The following SPAG16 variants were observed in gnomAD, a reference collection of about 807,000 sequenced individuals.
SPAG16 encodes the protein sperm-associated antigen 16 protein.
SPAG16 carries 86 observed loss-of-function variants against 80.4 expected under a neutral mutation model. That is an observed-to-expected ratio of 1.07 (90% CI 0.90 to 1.28). The LOEUF (loss-of-function observed/expected upper bound fraction) is 1.28. Among genes scored for constraint, SPAG16 ranks in the 50% most tolerant of loss-of-function variants. The pLI is 0.00. For missense variants in SPAG16, 870 were observed against 765.3 expected (o/e 1.14, Z -1.61); for synonymous variants, 294 against 265.9 (o/e 1.11, Z -1.03).
intron 15 of SPAG16, among the ~76,000 whole-genome samples, chr2:214,173,936 A>C (rs1305015407): frequency 2.0e-5 from 3 of 151,938 alleles, no homozygotes; most frequent in Non-Finnish European, 4.4e-5. Flanking sequence ...CAAATCAATA[A>C]ATGTAATCCA....
intron 5 of SPAG16, among the ~76,000 whole-genome samples, chr2:213,322,379 G>C (rs1045625678): frequency 7.8e-6 from 1 of 128,462 alleles, no homozygotes; most frequent in African/African-American, 2.8e-5. Flanking sequence ...TTGGGTGATT[G>C]ATTCCTGAAA....
intron 3 of SPAG16, 67 bp downstream of exon 3, chr2:213,297,424 G>A: frequency 2.1e-6 from 2 of 949,234 alleles, no homozygotes; most frequent in Non-Finnish European, 3.2e-6. Context: ...AGTTTGGAAA[G>A]TCTTTTAAAT....
At position 213,582,123 on chromosome 2, in the gene SPAG16, C is replaced by T. The variant is rs112339620; in HGVS notation, c.1070+92033C>T. On this transcript the variant is annotated intron_variant, in intron 10 of 15. Transcript: ENST00000331683. ...TTTAATTTACAATATAAACACTTAC[C>T]TTTTACTCTTGGAGAGTAAAAGGAG... Among the ~76,000 whole-genome samples the T allele has an allele frequency of 1.6e-3, 240 of 152,072 alleles. 3 individuals carry two copies. Among genetic ancestry groups the T allele is most frequent in the African/African-American group, 4.7e-3 (195 of 41,496 alleles).
chr2:214,391,103 A>T (rs375177145), intron 15 of SPAG16, among the ~76,000 whole-genome samples: 1 of 152,192 alleles, frequency 6.6e-6, no homozygotes, highest in Non-Finnish European at 1.5e-5. Context: ...GGCTGTTTGC[A>T]TATGGATTTG....
intron 8 of SPAG16, among the ~76,000 whole-genome samples, chr2:213,367,437 C>G (rs1226807368): frequency 1.3e-5 from 2 of 152,284 alleles, no homozygotes; most frequent in African/African-American, 4.8e-5. Context: ...TCTCCACATC[C>G]TCTCCAGCAC....
At chr2:213,977,288 C>T (rs1206484066) in intron 12 of SPAG16, among the ~76,000 whole-genome samples, 2 of 152,096 alleles carry the variant, frequency 1.3e-5, no homozygotes, top group South Asian at 2.1e-4. Flanking sequence ...TTAGCATCAG[C>T]TTGAGGTTCA....
intron 14 of SPAG16, among the ~76,000 whole-genome samples, chr2:214,135,288 G>A (rs1308660519): frequency 2.6e-5 from 4 of 152,088 alleles, no homozygotes; most frequent in Non-Finnish European, 4.4e-5. Flanking sequence ...GTAAATATTA[G>A]TTGCTTTATA....
At chr2:213,348,178 C>T (rs966991394) in intron 6 of SPAG16, among the ~76,000 whole-genome samples, 1 of 152,122 alleles carries the variant, frequency 6.6e-6, no homozygotes, top group Admixed American at 6.5e-5. Flanking sequence ...GGTTTAAAGT[C>T]TGTTTTATCA....
chr2:214,361,549 C>T (rs1450586283), intron 15 of SPAG16, among the ~76,000 whole-genome samples: 1 of 151,946 alleles, frequency 6.6e-6, no homozygotes, highest in East Asian at 1.9e-4. Flanking sequence ...AAGAGAAACT[C>T]AAACACTTCA....
intron 7 of SPAG16, among the ~76,000 whole-genome samples, chr2:213,352,793 A>G (rs1380408816): frequency 6.6e-6 from 1 of 152,204 alleles, no homozygotes; most frequent in Non-Finnish European, 1.5e-5. Flanking sequence ...GCAAAGAAAT[A>G]TATCTTTATT....
intron 10 of SPAG16, among the ~76,000 whole-genome samples, chr2:213,735,441 A>G (rs1301220051): frequency 6.6e-6 from 1 of 152,164 alleles, no homozygotes; most frequent in Non-Finnish European, 1.5e-5. Context: ...TAAATTCCAA[A>G]CAGAATGTTA....
chr2:214,031,836 A>G (rs1371175793), intron 13 of SPAG16, among the ~76,000 whole-genome samples: 1 of 152,078 alleles, frequency 6.6e-6, no homozygotes, highest in African/African-American at 2.4e-5. Context: ...CAAGGGGGGA[A>G]GTGCTACACA....
chr2:213,790,428 GACCGTTATA>G lies in SPAG16; in HGVS notation c.1071-72053_1071-72045del, dbSNP rs2070620886. On this transcript the variant is annotated intron_variant, in intron 10 of 15. Transcript: ENST00000331683. ...TAGCTTCAATGTTCTCCATAACTCA[GACCGTTATA>G]ACCAAAAGCATATTTTTGGTGTAAT... 5.9e-5 allele frequency among the ~76,000 whole-genome samples: 9 copies of G among 151,908 alleles called. No homozygotes were observed. The South Asian group carries it at 1.7e-3, about 28-fold the overall frequency.
intron 10 of SPAG16, among the ~76,000 whole-genome samples, chr2:213,731,153 G>GTTTTTTT (rs57074369): frequency 7.5e-5 from 8 of 107,096 alleles, no homozygotes; most frequent in Non-Finnish European, 1.1e-4. Context: ...TTATATCTGA[G>GTTTTTTT]TTTTTTTTTT....
intron 5 of SPAG16, among the ~76,000 whole-genome samples, chr2:213,321,095 A>T (rs1398810118): frequency 6.6e-6 from 1 of 152,118 alleles, no homozygotes; most frequent in Non-Finnish European, 1.5e-5. Flanking sequence ...AAAATAGAAT[A>T]GGATATTTCT....
intron 10 of SPAG16, among the ~76,000 whole-genome samples, chr2:213,669,856 G>A (rs2063751021): frequency 6.6e-6 from 1 of 152,034 alleles, no homozygotes; most frequent in African/African-American, 2.4e-5. Flanking sequence ...TTGCCTCTTA[G>A]TGACTTTGTG....
At chr2:214,108,439 T>TCACACACACACACACACA (rs71037342) in intron 14 of SPAG16, among the ~76,000 whole-genome samples, 178 bp downstream of exon 14, 2 of 125,028 alleles carry the variant, frequency 1.6e-5, no homozygotes, top group Admixed American at 8.0e-5. Context: ...ATTTTAAAAT[T>TCACACACACACACACACA]CACACACACA....
chr2:214,259,038 G>C (rs762438517), intron 15 of SPAG16, among the ~76,000 whole-genome samples: 8 of 151,722 alleles, frequency 5.3e-5, no homozygotes, highest in Non-Finnish European at 8.8e-5. Flanking sequence ...TAGTGTTGTG[G>C]AGTATTACCT....
chr2:213,773,782 G>A (rs972464319), intron 10 of SPAG16, among the ~76,000 whole-genome samples: 4 of 152,032 alleles, frequency 2.6e-5, no homozygotes, highest in African/African-American at 9.7e-5. Flanking sequence ...CTGAACTCCT[G>A]ACCTTGTGAT....
Sources: gnomAD v4.1 joint callset for allele counts (sites outside exome capture counted in the v4.1 genomes callset) on GRCh38, gnomAD v4.1.1 for gene constraint, MANE v1.5 for transcripts, NCBI Gene and HGNC (gene_info 2026-07-23, HGNC 2026-07-21) for gene names.